SDK2: variants seen among roughly 807,000 people sequenced by gnomAD.
The protein encoded by SDK2 is sidekick cell adhesion molecule 2.
SDK2 carries 105 observed loss-of-function variants against 253.9 expected under a neutral mutation model. That is an observed-to-expected ratio of 0.41 (90% confidence interval 0.35 to 0.49). The LOEUF (loss-of-function observed/expected upper bound fraction) is 0.49. SDK2 is among the 20% of genes least tolerant of loss of function. The probability of loss-of-function intolerance (pLI) is 0.06; values close to 1 mark genes in which losing one functional copy is unlikely to be tolerated. For synonymous variants in SDK2, 1,249 were observed against 1,234.9 expected (o/e 1.01, Z -0.24); for missense variants, 2,608 against 3,003.0 (o/e 0.87, Z 3.07).
intron 29 of SDK2, among the ~76,000 whole-genome samples, chr17:73,389,211 T>C (rs1222385857): frequency 7.2e-6 from 1 of 138,802 alleles, no homozygotes; most frequent in Non-Finnish European, 1.6e-5. Context: ...TTTGAGACGG[T>C]CTTGCTCTGT....
At chr17:73,358,661 G>C (rs1324253672) in intron 39 of SDK2, among the ~76,000 whole-genome samples, 1 of 152,124 alleles carries the variant, frequency 6.6e-6, no homozygotes, top group East Asian at 1.9e-4. Context: ...CATGAGAGGA[G>C]GGGGTTGGTC....
intron 2 of SDK2, among the ~76,000 whole-genome samples, chr17:73,473,861 A>G (rs1314885903): frequency 6.6e-6 from 1 of 152,244 alleles, no homozygotes; most frequent in Admixed American, 6.5e-5. Flanking sequence ...TAATCAGGCA[A>G]CAACAACAAA....
chr17:73,529,596 T>G (rs1022070494), intron 1 of SDK2, among the ~76,000 whole-genome samples: 2 of 151,912 alleles, frequency 1.3e-5, no homozygotes, highest in Non-Finnish European at 2.9e-5. Context: ...CCATACTGGA[T>G]CAGAATGAGC....
intron 40 of SDK2, among the ~76,000 whole-genome samples, chr17:73,355,175 T>TATATATATATA (rs1555750470): frequency 5.1e-4 from 8 of 15,688 alleles, no homozygotes; most frequent in African/African-American, 1.2e-3. Flanking sequence ...TATATATATA[T>TATATATATATA]TTTTTTTTTT....
At chr17:73,385,345 T>C (rs1226290375) in intron 32 of SDK2, among the ~76,000 whole-genome samples, 2 of 152,064 alleles carry the variant, frequency 1.3e-5, no homozygotes, top group Non-Finnish European at 2.9e-5. Context: ...GGAAGGGGTA[T>C]GGACGAAGGG....
rs750511145 is a variant in SDK2 at position 73,379,466 on chromosome 17, C to A, written c.4846G>T (p.Val1616Phe). The A allele has an allele frequency of 6.2e-7, 1 of 1,609,006 alleles. No homozygotes were observed. Among genetic ancestry groups the A allele is most frequent in the East Asian group, 2.2e-5 (1 of 44,852 alleles). Residue 1616 changes from valine to phenylalanine, a missense_variant, in exon 35 of 45, where the codon GTC becomes TTC. Val to Phe is a conservative substitution (Grantham distance 50). Around this residue, in one of 2 missense-constraint regions of SDK2, gnomAD observed 1,103 missense variants for 1,143.9 expected, o/e 0.96. Coordinates refer to ENST00000392650, the MANE Select transcript of SDK2 (RefSeq NM_001144952.2). This position sits in a 1 kb window ranked among gnomAD's most constrained non-coding sequence, Gnocchi z 4.5. ...GEGPSSPPQE[V>F]FVGEAVPTAA... is the part of the protein sequence containing the mutation. ...TGCTCACCTGCCTCCCCAACAAAGACCTCCTGCGGGGGGCTGGAGGGCCCC... is the reference window on the plus strand; with the variant it reads ...TGCTCACCTGCCTCCCCAACAAAGAACTCCTGCGGGGGGCTGGAGGGCCCC...
intron 1 of SDK2, among the ~76,000 whole-genome samples, chr17:73,556,648 C>T (rs1037644420): frequency 5.3e-5 from 8 of 152,194 alleles, no homozygotes; most frequent in Non-Finnish European, 1.0e-4. Flanking sequence ...ATGGTTGTTA[C>T]CATTTGTTCC....
intron 2 of SDK2, among the ~76,000 whole-genome samples, chr17:73,485,390 C>T (rs2063763545): frequency 6.6e-6 from 1 of 152,148 alleles, no homozygotes; most frequent in Admixed American, 6.5e-5. Flanking sequence ...GACAGAGATT[C>T]CTGAGACATC....
chr17:73,456,010 G>A lies in SDK2; in HGVS notation c.375C>T (p.Ser125=). The A allele has an allele frequency of 6.5e-7, 1 of 1,543,436 alleles. No homozygotes were observed. The highest frequency in any genetic ancestry group is 8.8e-7 in the Non-Finnish European group (1 of 1,142,606). ...FEEGEKHQSV[S]HGEAAVIRAP... ...CACGGATGACAGCTGCTTCTCCGTG[G>A]GAGACGCTCTGGTGCTTCTCACCTT... Residue 125 remains serine, a synonymous_variant, in exon 4 of 45, where the codon TCC becomes TCT. Transcript: ENST00000392650.
chr17:73,591,324 C>T (rs945150783), intron 1 of SDK2, among the ~76,000 whole-genome samples: 6 of 152,176 alleles, frequency 3.9e-5, no homozygotes, highest in African/African-American at 9.7e-5. Flanking sequence ...TTGCTGGCGC[C>T]GGGTCTCTTC....
At chr17:73,391,905 G>A (rs1191986198) in intron 27 of SDK2, among the ~76,000 whole-genome samples, 1 of 152,178 alleles carries the variant, frequency 6.6e-6, no homozygotes, top group Non-Finnish European at 1.5e-5. Context: ...CACCCATGGG[G>A]TGAAGTGGCC....
At position 73,419,159 on chromosome 17, in the gene SDK2, C is replaced by T. The variant is rs1338110123; in HGVS notation, c.2186+7G>A. 3 of 1,611,218 alleles carry T rather than the reference C, an allele frequency of 1.9e-6. No individual in the cohort carries two copies. Among genetic ancestry groups the T allele is most frequent in the African/African-American group, 2.7e-5 (2 of 75,038 alleles). ...ACTGGGCTCCTGTCCCCAGGGTGGA[C>T]ACCCACCTGATGATGTAACCCTTGA... On this transcript the variant is annotated splice_region_variant and intron_variant, in intron 16 of 44. Transcript: ENST00000392650.
At chr17:73,574,728 C>T (rs904038090) in intron 1 of SDK2, among the ~76,000 whole-genome samples, 14 of 152,230 alleles carry the variant, frequency 9.2e-5, no homozygotes, top group African/African-American at 3.1e-4. Flanking sequence ...CTGGCCTTCT[C>T]CACCTCTCTA....
In SDK2 at chr17:73,336,419, G is replaced by C. The variant is rs1246771386; in HGVS notation, c.*2168C>G. 3 of 152,202 alleles carry C rather than the reference G, an allele frequency of 2.0e-5. No homozygotes were observed. Among genetic ancestry groups the C allele is most frequent in the Non-Finnish European group, 4.4e-5 (3 of 68,070 alleles). 9.4% of individuals were successfully genotyped at this position (152,202 alleles called of 1,614,324 possible). Reference sequence around the variant, plus strand: ...GAACCTCAGCCCTTGGTTCTCCTTTGGGGAAGATTGTGCTTCCCTTCCCAG... The same window carrying C: ...GAACCTCAGCCCTTGGTTCTCCTTTCGGGAAGATTGTGCTTCCCTTCCCAG... On this transcript the variant is annotated 3_prime_UTR_variant, in exon 45 of 45. Coordinates refer to ENST00000392650, the MANE Select transcript of SDK2 (RefSeq NM_001144952.2).
chr17:73,605,318 G>C (rs925985040), intron 1 of SDK2, among the ~76,000 whole-genome samples: 1 of 152,136 alleles, frequency 6.6e-6, no homozygotes, highest in Non-Finnish European at 1.5e-5. Context: ...CAGAGAGAGA[G>C]GATGGAGGTC....
chr17:73,363,594 GTGTGGACACTGGGC>G (rs1341022779), intron 38 of SDK2, among the ~76,000 whole-genome samples: 4 of 152,194 alleles, frequency 2.6e-5, no homozygotes, highest in Non-Finnish European at 5.9e-5. Context: ...ATGAACTGGG[GTGTGGACACTGGGC>G]TGTCCAGGCG....
At chr17:73,421,041 C>A (rs1378098514) in intron 15 of SDK2, among the ~76,000 whole-genome samples, 1 of 152,240 alleles carries the variant, frequency 6.6e-6, no homozygotes, top group Non-Finnish European at 1.5e-5. Context: ...TGCGGTGCAG[C>A]CGCAGGGCAG....
At chr17:73,375,008 C>T (rs954583465) in intron 36 of SDK2, among the ~76,000 whole-genome samples, 8 of 152,072 alleles carry the variant, frequency 5.3e-5, no homozygotes, top group South Asian at 2.1e-4. Flanking sequence ...GCCAAAGCCC[C>T]GAAGGACCCC....
intron 32 of SDK2, among the ~76,000 whole-genome samples, chr17:73,384,872 C>T (rs6501628): frequency 0.29 from 43,568 of 152,158 alleles, 6,467 homozygotes; most frequent in East Asian, 0.44. Context: ...ACAGCTCAGG[C>T]TTTGTTAGCT....
Sources: gnomAD v4.1 joint callset for allele counts (sites outside exome capture counted in the v4.1 genomes callset) on GRCh38, gnomAD v4.1.1 for gene constraint, gnomAD v4.1.1 regional missense constraint, Gnocchi (gnomAD v3.1) non-coding constraint, MANE v1.5 for transcripts, NCBI Gene and HGNC (gene_info 2026-07-23, HGNC 2026-07-21) for gene names.